The following POTEI variants were observed in gnomAD, a reference collection of about 807,000 sequenced individuals.
The protein encoded by POTEI is POTE ankyrin domain family member I.
In POTEI, 14 loss-of-function variants were observed where a neutral mutation model predicts 43.4. That is an observed-to-expected ratio of 0.32 (90% CI 0.21 to 0.50). POTEI has a LOEUF of 0.50. Among genes scored for constraint, POTEI ranks in the 20% least tolerant of loss-of-function variants. The pLI, the probability that POTEI is intolerant of heterozygous loss-of-function variation, is 0.98. For synonymous variants in POTEI, 95 were observed against 297.9 expected, an observed-to-expected ratio of 0.32 and a Z score of 7.01; for missense variants, 235 against 795.4, an observed-to-expected ratio of 0.30 and a Z score of 8.47.
At chr2:130,492,049 A>C in intron 6 of POTEI, among the ~76,000 whole-genome samples, 1 of 46,798 alleles carries the variant, frequency 2.1e-5, no homozygotes, top group Non-Finnish European at 5.0e-5. Context: ...AGGCTGCCTT[A>C]GTACTTCACT....
At chr2:130,464,646 C>A (rs182324984) in intron 14 of POTEI, among the ~76,000 whole-genome samples, 1 of 151,376 alleles carries the variant, frequency 6.6e-6, no homozygotes, top group Non-Finnish European at 1.5e-5. Flanking sequence ...TACTGAAGAA[C>A]ATTTTACCGA....
Position 130,460,384 on chromosome 2 carries a change from A to T in POTEI, c.*2432T>A, listed in dbSNP as rs1429704485. 1 of 152,092 alleles carries T rather than the reference A, an allele frequency of 6.6e-6. No homozygotes were observed. The highest frequency in any genetic ancestry group is 2.1e-4 in the South Asian group (1 of 4,800). The allele number at this position is 152,092 out of a possible 1,614,324, so 9.4% of individuals were successfully genotyped here. A position where few individuals can be genotyped will look rare whatever the true frequency, so the allele number is the denominator to read the frequency against. Reference sequence around the variant, plus strand: ...CAAGTCTCCTTTTTTTAAAAAGGGAACTCTCGGACCTGATCTCTGCTGGGC... The same window carrying T: ...CAAGTCTCCTTTTTTTAAAAAGGGATCTCTCGGACCTGATCTCTGCTGGGC... On this transcript the variant is annotated 3_prime_UTR_variant, in exon 15 of 15. Transcript: ENST00000451531.
intron 10 of POTEI, among the ~76,000 whole-genome samples, chr2:130,477,177 A>G (rs1966719): frequency 0.98 from 144,726 of 148,274 alleles, 70,676 homozygotes; most frequent in East Asian, 1. Context: ...TTTTTTATGA[A>G]CCAGGGTCTT....
chr2:130,467,850 G>C (rs1682889872), intron 13 of POTEI, among the ~76,000 whole-genome samples: 1 of 142,156 alleles, frequency 7.0e-6, no homozygotes, highest in African/African-American at 2.6e-5. Flanking sequence ...CGGTAAACAA[G>C]CATATAAAAA....
intron 7 of POTEI, among the ~76,000 whole-genome samples, chr2:130,490,166 C>T (rs1337780394): frequency 8.4e-6 from 1 of 119,130 alleles, no homozygotes; most frequent in East Asian, 3.4e-4. Flanking sequence ...TGCAGATTTT[C>T]AATCACTGGC....
chr2:130,508,971 A>G lies in POTEI; in HGVS notation c.265T>C (p.Ser89Pro). Residue 89 changes from serine (S) to proline (P), a missense_variant, in exon 1 of 15, where the codon TCC (serine) becomes CCC (proline). Ser to Pro is a moderately conservative substitution (Grantham distance 74). Coordinates refer to ENST00000451531, the MANE Select transcript of POTEI (RefSeq NM_001277406.2). ...NVGTSGDHDDSAMKTLRSKMG... is the reference protein window; with the variant it reads ...NVGTSGDHDDPAMKTLRSKMG... ...TTGCTCCTGAGCGTCTTCATAGCGG[A>G]GTCGTCGTGGTCTCCAGAAGTGCCC... The G allele has an allele frequency of 6.3e-7, 1 of 1,587,350 alleles. No individual in the cohort carries two copies. The highest frequency in any genetic ancestry group is 1.1e-5 in the South Asian group (1 of 88,520).
intron 13 of POTEI, among the ~76,000 whole-genome samples, chr2:130,467,766 G>A (rs1682886099): frequency 1.3e-5 from 2 of 151,636 alleles, no homozygotes; most frequent in Non-Finnish European, 1.5e-5. Flanking sequence ...AAATCAACAG[G>A]AAAAACGCAA....
Position 130,507,204 on chromosome 2 carries a change from C to A in POTEI, c.521+1511G>T, listed in dbSNP as rs1250450706. ...GCTTGAACCTAGGAGGCAGAGGTTGCAGTGAGCCGAGATCACACCACTGCA... is the reference window on the plus strand; with the variant it reads ...GCTTGAACCTAGGAGGCAGAGGTTGAAGTGAGCCGAGATCACACCACTGCA... On this transcript the variant is annotated intron_variant, in intron 1 of 14. Transcript: ENST00000451531. 9.7e-5 allele frequency among the ~76,000 whole-genome samples: 8 copies of A among 82,106 alleles called. No individual in the cohort carries two copies. The Admixed American group carries it at 1.2e-3, about 12-fold the overall frequency. The allele number at this position is 82,106 out of a possible 152,430, so 53.9% of individuals were successfully genotyped here. A position where few individuals can be genotyped will look rare whatever the true frequency, so the allele number is the denominator to read the frequency against.
chr2:130,477,552 T>C (rs1405707608), intron 10 of POTEI, among the ~76,000 whole-genome samples: 1 of 149,930 alleles, frequency 6.7e-6, no homozygotes, highest in Admixed American at 6.6e-5. Context: ...TTACTGATTT[T>C]TCTACTGCAT....
chr2:130,496,691 G>A (rs1837317), intron 5 of POTEI, 69 bp from the exon 6 acceptor site: 1 of 1,506,700 alleles, frequency 6.6e-7, no homozygotes, highest in South Asian at 1.2e-5. Context: ...ACCAAATGTA[G>A]AATTATTAAG....
rs761369711 is a variant in POTEI, at chr2:130,508,881, C to A, written c.355G>T (p.Ala119Ser). Reference protein sequence around the residue: ...CRGSGKSNVGAWGDYDDSAFV... With the variant: ...CRGSGKSNVGSWGDYDDSAFV... ...GCGCTGTCGTCGTAGTCTCCCCAAG[C>A]ACCCACGTTGCTCTTGCCGCTCCCC... Residue 119 changes from alanine to serine, a missense_variant, in exon 1 of 15, where the codon GCT (alanine) becomes TCT (serine). Coordinates refer to ENST00000451531, the MANE Select transcript of POTEI (RefSeq NM_001277406.2). The A allele has an allele frequency of 3.2e-6, 5 of 1,585,982 alleles. No homozygotes were observed. Among genetic ancestry groups the A allele is most frequent in the Non-Finnish European group, 4.3e-6 (5 of 1,170,390 alleles).
intron 4 of POTEI, among the ~76,000 whole-genome samples, chr2:130,500,038 CAATT>C (rs1196679194): frequency 6.7e-6 from 1 of 150,350 alleles, no homozygotes; most frequent in African/African-American, 2.4e-5. Context: ...GTGGGAACAG[CAATT>C]AATTGTCATG....
chr2:130,498,031 T>C (rs1171617116), intron 5 of POTEI, among the ~76,000 whole-genome samples: 2,984 of 138,882 alleles, frequency 0.021, 12 homozygotes, highest in African/African-American at 0.075. Flanking sequence ...TTCATTATCA[T>C]GTAAATCAGA....
chr2:130,473,758 CAATT>C (rs1285651775), intron 13 of POTEI, among the ~76,000 whole-genome samples: 2 of 33,918 alleles, frequency 5.9e-5, no homozygotes, highest in Non-Finnish European at 1.2e-4. Context: ...ATATGCTACT[CAATT>C]AATGTTCAAA....
At chr2:130,507,317 T>TAC (rs56343526) in intron 1 of POTEI, among the ~76,000 whole-genome samples, 7 of 13,032 alleles carry the variant, frequency 5.4e-4, no homozygotes, top group African/African-American at 1.4e-3. Context: ...TATATATATA[T>TAC]ACACACACAC....
chr2:130,496,566 TCAGAAGA>T lies in POTEI; in HGVS notation c.1105_1111del (p.Ser369LysfsTer9), dbSNP rs1386742957. The T allele has an allele frequency of 9.3e-7, 1 of 1,079,144 alleles. No individual in the cohort carries two copies. The highest frequency in any genetic ancestry group is 1.3e-6 in the Non-Finnish European group (1 of 754,956). 66.8% of individuals were successfully genotyped at this position (1,079,144 alleles called of 1,614,324 possible). On this transcript the variant is annotated frameshift_variant, in exon 6 of 15. Coordinates refer to ENST00000451531, the MANE Select transcript of POTEI (RefSeq NM_001277406.2). LOFTEE classifies it high-confidence loss of function. Reference sequence around the variant, plus strand: ...ACAAGTCTTACCTGGATTGCTGTTTTCAGAAGAGATTTTTAGCATCTGTTTTTCTTTG... The same window carrying T: ...ACAAGTCTTACCTGGATTGCTGTTTTGATTTTTAGCATCTGTTTTTCTTTG...
rs765311760 is a variant in POTEI at position 130,508,969 on chromosome 2, G to A, written c.267C>T (p.Ser89=). ...NVGTSGDHDD[S]AMKTLRSKMG... is the part of the protein sequence containing the mutation. The stretch of plus-strand genomic sequence containing the variant: ...TCTTGCTCCTGAGCGTCTTCATAGC[G>A]GAGTCGTCGTGGTCTCCAGAAGTGC... The change falls in exon 1 of 15, where the codon TCC becomes TCT. Residue 89 remains serine, a synonymous_variant. Coordinates refer to ENST00000451531, the MANE Select transcript of POTEI (RefSeq NM_001277406.2). 3.9e-5 allele frequency: 62 copies of A among 1,595,452 alleles called. 1 individual carries two copies. The highest frequency in any genetic ancestry group is 1.5e-4 in the South Asian group (13 of 89,034).
rs1461873292 is a variant in POTEI at position 130,459,972 on chromosome 2, T to C, written c.*2844A>G. The stretch of plus-strand genomic sequence containing the variant: ...CACTCCTGTGTGCTCTCAGGGCAAG[T>C]AAAGCAAAACCCACCCGTGTAAACA... On this transcript the variant is annotated 3_prime_UTR_variant, in exon 15 of 15. Coordinates refer to ENST00000451531, the MANE Select transcript of POTEI (RefSeq NM_001277406.2). 1.4e-5 allele frequency: 2 copies of C among 146,332 alleles called. No individual in the cohort carries two copies. Among genetic ancestry groups the C allele is most frequent in the Non-Finnish European group, 2.9e-5 (2 of 67,928 alleles). 9.1% of individuals were successfully genotyped at this position (146,332 alleles called of 1,614,324 possible). A position where few individuals can be genotyped will look rare whatever the true frequency, so the allele number is the denominator to read the frequency against.
At chr2:130,485,196 C>T (rs1683555168) in intron 9 of POTEI, among the ~76,000 whole-genome samples, 1 of 151,522 alleles carries the variant, frequency 6.6e-6, no homozygotes, top group Non-Finnish European at 1.5e-5. Context: ...AAATCACTAG[C>T]ATATACACAA....
Sources: allele counts gnomAD v4.1 joint callset (sites outside exome capture counted in the v4.1 genomes callset), GRCh38; gene constraint gnomAD v4.1.1; transcripts MANE v1.5; gene names NCBI Gene and HGNC (gene_info 2026-07-23, HGNC 2026-07-21).